RALGAPA1: variants seen among roughly 807,000 people sequenced by gnomAD.
RALGAPA1 encodes the protein ral GTPase-activating protein subunit alpha-1.
Under a neutral mutation model 269.6 loss-of-function variants are expected in RALGAPA1, and 52 were observed. The ratio of observed to expected loss-of-function variants is 0.19; its 90% confidence interval spans 0.15 to 0.24. RALGAPA1 has a LOEUF of 0.24. Among genes scored for constraint, RALGAPA1 ranks in the 10% least tolerant of loss-of-function variants. The pLI, the probability that RALGAPA1 is intolerant of heterozygous loss-of-function variation, is 1.00. For synonymous variants in RALGAPA1, 817 were observed against 1,008.3 expected (o/e 0.81, Z 3.60); for missense variants, 1,917 against 3,013.9 (o/e 0.64, Z 8.52).
intron 12 of RALGAPA1, among the ~76,000 whole-genome samples, chr14:35,731,938 G>A (rs2070513900): frequency 6.6e-6 from 1 of 152,122 alleles, no homozygotes; most frequent in African/African-American, 2.4e-5. Flanking sequence ...TTGTCATCAG[G>A]TTATCTAAAG....
At chr14:35,751,435 T>G (rs1223910564) in intron 8 of RALGAPA1, among the ~76,000 whole-genome samples, 1 of 152,198 alleles carries the variant, frequency 6.6e-6, no homozygotes, top group African/African-American at 2.4e-5. Context: ...CAAATATTTC[T>G]GGTGGGCTAA....
intron 14 of RALGAPA1, among the ~76,000 whole-genome samples, chr14:35,724,596 T>A (rs2140981331): frequency 6.6e-6 from 1 of 152,266 alleles, no homozygotes; most frequent in African/African-American, 2.4e-5. Context: ...TCTTAATTAT[T>A]TATTACTTTT....
At chr14:35,751,163 AG>A (rs1347611373) in intron 8 of RALGAPA1, among the ~76,000 whole-genome samples, 2 of 152,210 alleles carry the variant, frequency 1.3e-5, no homozygotes, top group Non-Finnish European at 2.9e-5. Context: ...CTTCTAACCC[AG>A]GATTTGTACA....
chr14:35,738,023 G>A (rs894691214), intron 12 of RALGAPA1, among the ~76,000 whole-genome samples: 48 of 151,740 alleles, frequency 3.2e-4, no homozygotes, highest in African/African-American at 1.1e-3. Context: ...TGGAGGCAGA[G>A]GTTGCAGTGG....
In RALGAPA1 at chr14:35,723,081, C is replaced by G; in HGVS notation, c.2050G>C (p.Asp684His). 3.7e-6 allele frequency: 6 copies of G among 1,609,660 alleles called. No individual in the cohort carries two copies. The highest frequency in any genetic ancestry group is 1.1e-5 in the South Asian group (1 of 90,928). Reference sequence around the variant, plus strand: ...TCACTCAGCTTATCCAATGGTAAATCACTGAGATCCAAACTATATAAATTC... The same window carrying G: ...TCACTCAGCTTATCCAATGGTAAATGACTGAGATCCAAACTATATAAATTC... ...ARNLYSLDLSDLPLDKLSEQK... is the reference protein window; with the variant it reads ...ARNLYSLDLSHLPLDKLSEQK... Residue 684 changes from aspartate to histidine, a missense_variant, in exon 15 of 42, where the codon GAT becomes CAT. This residue lies in a region of RALGAPA1 where 40 missense variants were observed against 112.6 expected (regional missense o/e 0.36). Coordinates refer to ENST00000680220, the MANE Select transcript of RALGAPA1 (RefSeq NM_001346249.2).
intron 13 of RALGAPA1, among the ~76,000 whole-genome samples, chr14:35,726,765 A>C (rs1447130485): frequency 6.6e-6 from 1 of 152,212 alleles, no homozygotes; most frequent in Non-Finnish European, 1.5e-5. Flanking sequence ...TCAATGATTC[A>C]AAGTATACAG....
At chr14:35,628,037 A>T in intron 33 of RALGAPA1, 86 bp from the exon 34 acceptor site, 5 of 1,337,602 alleles carry the variant, frequency 3.7e-6, no homozygotes, top group Non-Finnish European at 4.1e-6. Flanking sequence ...ACAAATAGGG[A>T]TTTTATCACA....
chr14:35,613,962 A>G (rs971251841), intron 35 of RALGAPA1, among the ~76,000 whole-genome samples: 5 of 152,204 alleles, frequency 3.3e-5, no homozygotes, highest in African/African-American at 1.2e-4. Flanking sequence ...AAATCATGAG[A>G]TATTTTAGGC....
intron 39 of RALGAPA1, among the ~76,000 whole-genome samples, chr14:35,557,125 T>TGTGTGA (rs1471704201): frequency 2.0e-5 from 3 of 150,764 alleles, no homozygotes; most frequent in Non-Finnish European, 4.4e-5. Flanking sequence ...TGTGTGTGTG[T>TGTGTGA]GTGTGTGTGT....
intron 39 of RALGAPA1, among the ~76,000 whole-genome samples, chr14:35,554,955 T>C (rs753717582): frequency 5.9e-5 from 9 of 152,220 alleles, no homozygotes; most frequent in Admixed American, 4.6e-4. Flanking sequence ...ATGTCTGTTA[T>C]GCTGACAGCC....
chr14:35,680,207 T>C lies in RALGAPA1; in HGVS notation c.4472-2105A>G, dbSNP rs1342763430. Among the ~76,000 whole-genome samples the C allele has an allele frequency of 2.0e-5, 3 of 152,220 alleles. No homozygotes were observed. In the East Asian group the frequency reaches 5.8e-4, roughly 29 times the overall value. ...CATTTTTAAGAACTAGATTTTATTT[T>C]ATTATCATTATTTTTTCTGAGATGG... On this transcript the variant is annotated intron_variant, in intron 21 of 41. Transcript: ENST00000680220.
chr14:35,656,431 T>C (rs564293327), intron 28 of RALGAPA1, among the ~76,000 whole-genome samples: 13 of 152,326 alleles, frequency 8.5e-5, no homozygotes, highest in Non-Finnish European at 1.5e-4. Flanking sequence ...ACTTGTAGAA[T>C]TTTTATCCTG....
intron 16 of RALGAPA1, among the ~76,000 whole-genome samples, chr14:35,704,669 T>C (rs868152569): frequency 6.6e-6 from 1 of 152,150 alleles, no homozygotes; most frequent in African/African-American, 2.4e-5. Flanking sequence ...GGACATAAGG[T>C]CCTTACATCA....
At chr14:35,701,434 C>G (rs192768313) in intron 16 of RALGAPA1, among the ~76,000 whole-genome samples, 1 of 152,174 alleles carries the variant, frequency 6.6e-6, no homozygotes. Flanking sequence ...AAGGCCTTTA[C>G]GACTTGCCTA....
chr14:35,621,717 A>G (rs1222067298), intron 35 of RALGAPA1, among the ~76,000 whole-genome samples: 1 of 152,252 alleles, frequency 6.6e-6, no homozygotes, highest in Non-Finnish European at 1.5e-5. Flanking sequence ...ATGAACAGAC[A>G]CTTCTCAAAA....
rs573547845 is a variant in RALGAPA1, at chr14:35,588,538, T to G, written c.7209+7096A>C. On this transcript the variant is annotated intron_variant, in intron 37 of 41. Coordinates refer to ENST00000680220, the MANE Select transcript of RALGAPA1 (RefSeq NM_001346249.2). ...TTTAGGTTTGCAATCTAAGATACTATTAATTTTTACAAATAAAACCATGAT... is the reference window on the plus strand; with the variant it reads ...TTTAGGTTTGCAATCTAAGATACTAGTAATTTTTACAAATAAAACCATGAT... 2.0e-5 allele frequency among the ~76,000 whole-genome samples: 3 copies of G among 152,336 alleles called. No homozygotes were observed. In the East Asian group the frequency reaches 5.8e-4, roughly 29 times the overall value.
At chr14:35,802,454 A>C (rs1432118053) in intron 1 of RALGAPA1, among the ~76,000 whole-genome samples, 2 of 152,198 alleles carry the variant, frequency 1.3e-5, no homozygotes, top group East Asian at 3.8e-4. Flanking sequence ...CAAAGTAGAA[A>C]GTATTTAGGT....
At chr14:35,649,618 G>C (rs1009878262) in intron 31 of RALGAPA1, among the ~76,000 whole-genome samples, 1 of 151,988 alleles carries the variant, frequency 6.6e-6, no homozygotes, top group African/African-American at 2.4e-5. Flanking sequence ...ATACCACTTG[G>C]AATAATTTTC....
intron 1 of RALGAPA1, among the ~76,000 whole-genome samples, chr14:35,805,280 AAAAAAG>A (rs2077279886): frequency 6.6e-6 from 1 of 151,722 alleles, no homozygotes; most frequent in African/African-American, 2.4e-5. Flanking sequence ...AAAGAAAAAA[AAAAAAG>A]AAAAAATTAG....
Sources: allele counts gnomAD v4.1 joint callset (sites outside exome capture counted in the v4.1 genomes callset), GRCh38; gene constraint gnomAD v4.1.1; regional missense constraint gnomAD v4.1.1; transcripts MANE v1.5; gene names NCBI Gene and HGNC (gene_info 2026-07-23, HGNC 2026-07-21).